DLG2: variants seen among roughly 807,000 people sequenced by gnomAD.
DLG2 encodes disks large homolog 2.
In DLG2, 45 loss-of-function variants were observed where a neutral mutation model predicts 132.5. That is an observed-to-expected ratio of 0.34 (90% CI 0.27 to 0.44). DLG2 has a LOEUF of 0.44. Among genes scored for constraint, DLG2 ranks in the 20% least tolerant of loss-of-function variants. DLG2 has a pLI of 1.00. For synonymous variants in DLG2, 424 were observed against 419.6 expected, an observed-to-expected ratio of 1.01 and a Z score of -0.13; for missense variants, 1,045 against 1,196.9, an observed-to-expected ratio of 0.87 and a Z score of 1.87.
intron 6 of DLG2, among the ~76,000 whole-genome samples, chr11:84,751,896 T>C (rs1157786590): frequency 6.6e-6 from 1 of 152,168 alleles, no homozygotes; most frequent in Non-Finnish European, 1.5e-5. Context: ...ATTTGAGTGG[T>C]AGGTTACAAG....
chr11:85,451,220 C>T (rs996564163), intron 3 of DLG2, among the ~76,000 whole-genome samples: 1 of 152,180 alleles, frequency 6.6e-6, no homozygotes, highest in African/African-American at 2.4e-5. Flanking sequence ...TTCAACTTCT[C>T]TGCCACTAAC....
At chr11:84,904,018 T>G (rs1419776163) in intron 6 of DLG2, among the ~76,000 whole-genome samples, 1 of 152,182 alleles carries the variant, frequency 6.6e-6, no homozygotes, top group Non-Finnish European at 1.5e-5. Flanking sequence ...TCAACATTAT[T>G]GAGAACGTAA....
intron 7 of DLG2, among the ~76,000 whole-genome samples, chr11:84,296,052 T>G (rs967825274): frequency 2.6e-5 from 4 of 152,198 alleles, no homozygotes; most frequent in African/African-American, 9.6e-5. Context: ...AATTTCTACA[T>G]CAGTTTAGTC....
intron 5 of DLG2, among the ~76,000 whole-genome samples, chr11:85,118,953 T>G (rs573883134): frequency 6.6e-6 from 1 of 151,728 alleles, no homozygotes; most frequent in Non-Finnish European, 1.5e-5. Flanking sequence ...AGTAATAAGA[T>G]AAATACTATA....
chr11:84,416,211 C>T (rs962332502), intron 7 of DLG2, among the ~76,000 whole-genome samples: 1 of 152,016 alleles, frequency 6.6e-6, no homozygotes, highest in Non-Finnish European at 1.5e-5. Flanking sequence ...AAAATAAAGT[C>T]CACAATATTA....
At chr11:85,041,957 T>C (rs2061905990) in intron 6 of DLG2, among the ~76,000 whole-genome samples, 1 of 151,360 alleles carries the variant, frequency 6.6e-6, no homozygotes, top group South Asian at 2.1e-4. Context: ...AGGGGAGAAA[T>C]GAAAAATTAC....
chr11:84,729,851 C>T (rs1170618110), intron 6 of DLG2, among the ~76,000 whole-genome samples: 1 of 151,982 alleles, frequency 6.6e-6, no homozygotes, highest in East Asian at 1.9e-4. Flanking sequence ...CCTGACCCAG[C>T]TCCCCTCCCT....
intron 4 of DLG2, among the ~76,000 whole-genome samples, chr11:85,275,924 G>A (rs1447172448): frequency 1.3e-5 from 2 of 151,812 alleles, no homozygotes; most frequent in Admixed American, 1.3e-4. Flanking sequence ...AAAAAAAAAT[G>A]CTTACTGATT....
At chr11:84,725,658 A>G (rs184342428) in intron 6 of DLG2, among the ~76,000 whole-genome samples, 4 of 152,298 alleles carry the variant, frequency 2.6e-5, no homozygotes, top group Non-Finnish European at 5.9e-5. Flanking sequence ...CTCAAAGTCC[A>G]TACAAATGAT....
At chr11:85,115,726 C>T (rs2073473838) in intron 5 of DLG2, among the ~76,000 whole-genome samples, 2 of 152,048 alleles carry the variant, frequency 1.3e-5, no homozygotes, top group Non-Finnish European at 2.9e-5. Context: ...GAGGGCGTTA[C>T]AGGCTAAAGG....
chr11:85,609,090 A>AG (rs2080804392), intron 2 of DLG2, among the ~76,000 whole-genome samples: 1 of 152,164 alleles, frequency 6.6e-6, no homozygotes, highest in Non-Finnish European at 1.5e-5. Context: ...GTGTTCTAGA[A>AG]GGACTAAGGA....
chr11:83,744,668 G>A (rs2092774677), intron 18 of DLG2, among the ~76,000 whole-genome samples: 3 of 152,164 alleles, frequency 2.0e-5, no homozygotes, highest in African/African-American at 7.2e-5. Context: ...GTCTTTTAGT[G>A]TTTGGATCCG....
chr11:84,288,529 T>C (rs2097941075), intron 7 of DLG2, among the ~76,000 whole-genome samples: 1 of 152,118 alleles, frequency 6.6e-6, no homozygotes, highest in African/African-American at 2.4e-5. Flanking sequence ...TAGAATTTAT[T>C]TGAAAGAACC....
chr11:84,152,677 C>T (rs549678998), intron 9 of DLG2, among the ~76,000 whole-genome samples: 28 of 152,088 alleles, frequency 1.8e-4, no homozygotes, highest in Admixed American at 1.4e-3. Flanking sequence ...TAAGCCACCG[C>T]GCCCGGCCTC....
chr11:84,330,944 A>G (rs1314391022), intron 7 of DLG2, among the ~76,000 whole-genome samples: 1 of 152,210 alleles, frequency 6.6e-6, no homozygotes, highest in African/African-American at 2.4e-5. Context: ...GTCAGCACAA[A>G]ATTTGCATTT....
At chr11:85,120,109 T>C (rs1032477457) in intron 5 of DLG2, among the ~76,000 whole-genome samples, 1 of 152,092 alleles carries the variant, frequency 6.6e-6, no homozygotes, top group African/African-American at 2.4e-5. Context: ...CTTTCTCTTA[T>C]CGGAGGATTT....
chr11:84,165,184 G>T (rs372157268), intron 8 of DLG2, among the ~76,000 whole-genome samples: 66 of 152,142 alleles, frequency 4.3e-4, no homozygotes, highest in Middle Eastern at 6.8e-3. Flanking sequence ...TCTCCAAACT[G>T]AATCACTTCA....
chr11:84,351,041 T>C (rs1456848057), intron 7 of DLG2, among the ~76,000 whole-genome samples: 1 of 152,168 alleles, frequency 6.6e-6, no homozygotes, highest in Non-Finnish European at 1.5e-5. Context: ...CACTGTACAG[T>C]CTATTATACA....
At chr11:85,065,340 A>T (rs1298821392) in intron 6 of DLG2, among the ~76,000 whole-genome samples, 3 of 151,164 alleles carry the variant, frequency 2.0e-5, no homozygotes, top group East Asian at 2.0e-4. Flanking sequence ...CCTTTTTTTT[A>T]AAACCCCTTG....
Sources: gnomAD v4.1 joint callset for allele counts (sites outside exome capture counted in the v4.1 genomes callset) on GRCh38, gnomAD v4.1.1 for gene constraint, MANE v1.5 for transcripts, NCBI Gene and HGNC (gene_info 2026-07-23, HGNC 2026-07-21) for gene names.